The following ZNF607 variants were observed in gnomAD, a reference collection of about 807,000 sequenced individuals.
ZNF607 encodes the protein zinc finger protein 607.
In ZNF607, 5 loss-of-function variants were observed where a neutral mutation model predicts 12.8. That is an observed-to-expected ratio of 0.39 (90% CI 0.20 to 0.82). The LOEUF (loss-of-function observed/expected upper bound fraction) is 0.82. Among genes scored for constraint, ZNF607 ranks in the 40% least tolerant of loss-of-function variants. The probability of loss-of-function intolerance (pLI) is 0.39; values close to 1 mark genes in which losing one functional copy is unlikely to be tolerated. For synonymous variants in ZNF607, 287 were observed against 276.2 expected, an observed-to-expected ratio of 1.04 and a Z score of -0.39; for missense variants, 851 against 859.2, an observed-to-expected ratio of 0.99 and a Z score of 0.12.
Position 37,711,500 on chromosome 19 carries a change from G to A in ZNF607, c.9+110C>T, listed in dbSNP as rs116260087. The stretch of plus-strand genomic sequence containing the variant: ...TGGAAGAATGAGAACTGGAGATTAG[G>A]TTAACTGAGCACCGTCTCACGAAGG... On this transcript the variant is annotated intron_variant, in intron 2 of 4. Transcript: ENST00000355202. 1.4e-3 allele frequency: 1,570 copies of A among 1,119,036 alleles called. 18 individuals carry two copies. In the African/African-American group the frequency reaches 0.022, roughly 16 times the overall value. The allele number at this position is 1,119,036 out of a possible 1,614,324, so 69.3% of individuals were successfully genotyped here.
chr19:37,708,437 G>A (rs62108345), intron 3 of ZNF607, among the ~76,000 whole-genome samples: 4 of 151,650 alleles, frequency 2.6e-5, no homozygotes, highest in Admixed American at 1.3e-4. Flanking sequence ...CTTGTGATCC[G>A]CTCATCTGGG....
rs1555735555 is a variant in ZNF607 at position 37,714,340 on chromosome 19, A to ACAG, written c.-74-2651_-74-2649dup. ...AACAACAACAACAACAACAACAACA[A>ACAG]CAGCAGCAGCAGCAGCAGCAGCAGC... On this transcript the variant is annotated intron_variant, in intron 1 of 4. Transcript: ENST00000355202. 1.8e-3 allele frequency among the ~76,000 whole-genome samples: 273 copies of ACAG among 148,326 alleles called. 1 individual carries two copies. The highest frequency in any genetic ancestry group is 5.9e-3 in the African/African-American group (233 of 39,682).
chr19:37,703,475 G>A (rs1272045160), intron 4 of ZNF607, among the ~76,000 whole-genome samples: 1 of 151,982 alleles, frequency 6.6e-6, no homozygotes, highest in Non-Finnish European at 1.5e-5. Context: ...ATGGCTACTG[G>A]TAAAAACAAA....
chr19:37,701,507 C>T (rs1403659303), intron 4 of ZNF607, among the ~76,000 whole-genome samples: 5 of 152,162 alleles, frequency 3.3e-5, no homozygotes, highest in Admixed American at 1.3e-4. Flanking sequence ...TTAGCCTGTG[C>T]GGTCTAACCC....
chr19:37,714,242 A>G (rs1179393819), intron 1 of ZNF607, among the ~76,000 whole-genome samples: 3 of 151,618 alleles, frequency 2.0e-5, no homozygotes, highest in Non-Finnish European at 4.4e-5. Flanking sequence ...GAATGGCGTG[A>G]ACCCAGGAGG....
chr19:37,709,980 C>A (rs1368073785), intron 2 of ZNF607, among the ~76,000 whole-genome samples, 158 bp from the exon 3 acceptor site: 1 of 150,746 alleles, frequency 6.6e-6, no homozygotes, highest in African/African-American at 2.4e-5. Flanking sequence ...CATGGTGAAA[C>A]CCCGTCTCTA....
At chr19:37,718,953 G>A (rs1209892328) in intron 1 of ZNF607, 2 of 152,208 alleles carry the variant, frequency 1.3e-5, no homozygotes, top group African/African-American at 2.4e-5. Context: ...TGAATAAAGG[G>A]TTCTTTGCAT....
In ZNF607 at chr19:37,715,437, T is replaced by G. The variant is rs1444417610; in HGVS notation, c.-74-3745A>C. ...GCCTGACCAACATGGTAAAACCCCATCTCTACTAAAAATACAAAATTAGCT... is the reference window on the plus strand; with the variant it reads ...GCCTGACCAACATGGTAAAACCCCAGCTCTACTAAAAATACAAAATTAGCT... On this transcript the variant is annotated intron_variant, in intron 1 of 4. Coordinates refer to ENST00000355202, the MANE Select transcript of ZNF607 (RefSeq NM_032689.5). Among the ~76,000 whole-genome samples the G allele has an allele frequency of 3.3e-5, 5 of 150,776 alleles. No individual in the cohort carries two copies. The East Asian group carries it at 9.9e-4, about 30-fold the overall frequency.
chr19:37,712,991 CT>C, intron 1 of ZNF607, among the ~76,000 whole-genome samples: 1 of 152,112 alleles, frequency 6.6e-6, no homozygotes, highest in Middle Eastern at 3.4e-3. Flanking sequence ...TATTTCAGGT[CT>C]TCTTAACAGA....
In ZNF607 at chr19:37,703,236, A is replaced by C. The variant is rs115387912; in HGVS notation, c.236-3341T>G. Among the ~76,000 whole-genome samples, 583 of 151,622 alleles carry C rather than the reference A, an allele frequency of 3.8e-3. 6 individuals are homozygous for C. Among genetic ancestry groups the C allele is most frequent in the African/African-American group, 0.013 (546 of 41,350 alleles). On this transcript the variant is annotated intron_variant, in intron 4 of 4. Coordinates refer to ENST00000355202, the MANE Select transcript of ZNF607 (RefSeq NM_032689.5). ...AGTGATGAGATTACAGGCGTGAGCTACCACACCCCACCAACAGGTAAATTT... is the reference window on the plus strand; with the variant it reads ...AGTGATGAGATTACAGGCGTGAGCTCCCACACCCCACCAACAGGTAAATTT...
intron 1 of ZNF607, among the ~76,000 whole-genome samples, chr19:37,715,340 T>G (rs1449575204): frequency 3.3e-5 from 5 of 149,720 alleles, no homozygotes; most frequent in African/African-American, 1.2e-4. Context: ...TTTGGCTGGG[T>G]GTGGTGGCTC....
Position 37,697,154 on chromosome 19 carries a change from T to C in ZNF607, c.*886A>G. On this transcript the variant is annotated 3_prime_UTR_variant, in exon 5 of 5. Coordinates refer to ENST00000355202, the MANE Select transcript of ZNF607 (RefSeq NM_032689.5). ...GTGTGATGTTGACATTCTGTAAATC[T>C]TTGCTACCAGTGATGACTGGCGCAC... The C allele has an allele frequency of 1.3e-6, 1 of 743,158 alleles. No homozygotes were observed. Among genetic ancestry groups the C allele is most frequent in the Non-Finnish European group, 2.5e-6 (1 of 397,264 alleles). The allele number at this position is 743,158 out of a possible 1,614,324, so 46.0% of individuals were successfully genotyped here.
chr19:37,713,035 G>C (rs538113370), intron 1 of ZNF607, among the ~76,000 whole-genome samples: 178 of 151,848 alleles, frequency 1.2e-3, no homozygotes, highest in Non-Finnish European at 1.9e-3. Flanking sequence ...CTGGCAGGTA[G>C]GTCAGGATAT....
At chr19:37,714,238 C>T (rs993761236) in intron 1 of ZNF607, among the ~76,000 whole-genome samples, 1 of 151,656 alleles carries the variant, frequency 6.6e-6, no homozygotes, top group East Asian at 1.9e-4. Flanking sequence ...AGGAGAATGG[C>T]GTGAACCCAG....
rs775308801 is a variant in ZNF607, at chr19:37,699,593, T to C, written c.538A>G (p.Ser180Gly). 1.2e-6 allele frequency: 2 copies of C among 1,614,146 alleles called. No individual in the cohort carries two copies. Among genetic ancestry groups the C allele is most frequent in the South Asian group, 2.2e-5 (2 of 91,074 alleles). ...TGTTGAGCAAGGTTTGCAGGATAAC[T>C]GAAGACCTTCCCACATTCTTCACAT... The part of the protein sequence containing the change: ...YECEECGKVF[S>G]YPANLAQHGK... The change falls in exon 5 of 5, where the codon AGT becomes GGT. Residue 180 changes from serine to glycine, a missense_variant. Physicochemically the swap from Ser to Gly is moderately conservative, Grantham distance 56 (BLOSUM62 0). Transcript: ENST00000355202.
chr19:37,704,065 C>T (rs899302437), intron 4 of ZNF607, among the ~76,000 whole-genome samples: 2 of 151,624 alleles, frequency 1.3e-5, no homozygotes, highest in Non-Finnish European at 2.9e-5. Context: ...ACCCCGGAGG[C>T]GGAGGTTGCA....
At chr19:37,707,619 T>C (rs1185148443) in intron 4 of ZNF607, among the ~76,000 whole-genome samples, 1 of 151,868 alleles carries the variant, frequency 6.6e-6, no homozygotes, top group Non-Finnish European at 1.5e-5. Context: ...AAAAAAAAAT[T>C]AGCCAGGTGT....
rs1331396957 is a variant in ZNF607, at chr19:37,698,103, G to A, written c.2028C>T (p.Asn676=). The change falls in exon 5 of 5, where the codon AAC becomes AAT. Residue 676 remains asparagine, a synonymous_variant. Transcript: ENST00000355202. ...VHTGEKPFKC[N]KCRRSFRLRS... ...TAAGCCTAAAGGACCTTCTGCATTTGTTACATTTAAAGGGTTTCTCACCAG... is the reference window on the plus strand; with the variant it reads ...TAAGCCTAAAGGACCTTCTGCATTTATTACATTTAAAGGGTTTCTCACCAG... 6.2e-7 allele frequency: 1 copy of A among 1,613,464 alleles called. No homozygotes were observed. The highest frequency in any genetic ancestry group is 2.2e-5 in the East Asian group (1 of 44,870).
Position 37,719,239 on chromosome 19 carries a change from TGTACAGGTCACACAAG to T in ZNF607, c.-75+14_-75+29del, listed in dbSNP as rs1374430640. ...CGCTTTACAAAGGACACACACGGCA[TGTACAGGTCACACAAG>T]GTCGACTACGCACCCCTCACAGTCC... On this transcript the variant is annotated intron_variant, in intron 1 of 4. Transcript: ENST00000355202. 3.9e-5 allele frequency: 6 copies of T among 153,018 alleles called. No homozygotes were observed. Among genetic ancestry groups the T allele is most frequent in the African/African-American group, 1.2e-4 (5 of 41,470 alleles). The allele number at this position is 153,018 out of a possible 1,614,324, so 9.5% of individuals were successfully genotyped here.
Sources: gnomAD v4.1 joint callset for allele counts (sites outside exome capture counted in the v4.1 genomes callset) on GRCh38, gnomAD v4.1.1 for gene constraint, MANE v1.5 for transcripts, NCBI Gene and HGNC (gene_info 2026-07-23, HGNC 2026-07-21) for gene names.